The following TDRD12 variants were observed in gnomAD, a reference collection of about 807,000 sequenced individuals.
TDRD12 encodes the protein tudor domain containing 12, also known as putative ATP-dependent RNA helicase TDRD12.
In TDRD12, 158 loss-of-function variants were observed where a neutral mutation model predicts 133.5. That is an observed-to-expected ratio of 1.18 (90% CI 1.04 to 1.35). The LOEUF is 1.35. Ranked by LOEUF, TDRD12 falls within the 40% of genes most tolerant of loss-of-function variation. The pLI is 0.00. For missense variants in TDRD12, 1,443 were observed against 1,321.3 expected (o/e 1.09, Z -1.43); for synonymous variants, 460 against 477.9 (o/e 0.96, Z 0.49).
At chr19:32,768,538 A>T (rs1970361601) in intron 8 of TDRD12, among the ~76,000 whole-genome samples, 1 of 151,636 alleles carries the variant, frequency 6.6e-6, no homozygotes, top group Non-Finnish European at 1.5e-5. Context: ...CTAATTTTCA[A>T]ATTTTATTTA....
chr19:32,815,660 T>C, intron 26 of TDRD12, 40 bp downstream of exon 26: 1 of 1,504,586 alleles, frequency 6.6e-7, no homozygotes, highest in South Asian at 1.2e-5. Flanking sequence ...GAGTTGTTTT[T>C]TGGAAATACA....
intron 8 of TDRD12, among the ~76,000 whole-genome samples, chr19:32,764,606 C>G (rs975754865): frequency 2.0e-5 from 3 of 152,128 alleles, no homozygotes; most frequent in Non-Finnish European, 4.4e-5. Flanking sequence ...TTATAGAAAT[C>G]TTAATTAGGT....
At chr19:32,732,584 C>A (rs919348758) in intron 2 of TDRD12, among the ~76,000 whole-genome samples, 1 of 152,222 alleles carries the variant, frequency 6.6e-6, no homozygotes, top group East Asian at 1.9e-4. Context: ...TACTCCACGC[C>A]GTGGCCCCTC....
chr19:32,788,921 C>T (rs1047897140), intron 11 of TDRD12, among the ~76,000 whole-genome samples: 1 of 152,190 alleles, frequency 6.6e-6, no homozygotes, highest in Admixed American at 6.5e-5. Flanking sequence ...GTGGGAGGCA[C>T]AGGCTGGGTC....
chr19:32,807,041 GGTTAGA>G (rs1971571321), intron 21 of TDRD12, among the ~76,000 whole-genome samples: 1 of 151,980 alleles, frequency 6.6e-6, no homozygotes, highest in African/African-American at 2.4e-5. Context: ...ACGGCTTCTG[GGTTAGA>G]GATCGATTGC....
chr19:32,804,476 A>G (rs999105160), intron 21 of TDRD12, among the ~76,000 whole-genome samples: 98 of 150,340 alleles, frequency 6.5e-4, no homozygotes, highest in African/African-American at 2.3e-3. Flanking sequence ...GGCAGATCAC[A>G]AGGTCAAGAG....
chr19:32,761,931 C>T (rs1599870462), intron 8 of TDRD12, among the ~76,000 whole-genome samples: 1 of 152,024 alleles, frequency 6.6e-6, no homozygotes, highest in Admixed American at 6.6e-5. Flanking sequence ...AGTGATCCAC[C>T]CACCTCAAAT....
chr19:32,755,991 G>T lies in TDRD12; in HGVS notation c.583-1G>T. ...GTCATGAAATGTTTAAAATTTTACAGGTTTGTGTTAATGATGATCTTGTTG... is the reference window on the plus strand; with the variant it reads ...GTCATGAAATGTTTAAAATTTTACATGTTTGTGTTAATGATGATCTTGTTG... On this transcript the variant is annotated splice_acceptor_variant, in intron 6 of 27. Coordinates refer to ENST00000444215, the Ensembl canonical transcript of TDRD12. LOFTEE classifies it high-confidence loss of function. The T allele has an allele frequency of 6.9e-7, 1 of 1,456,542 alleles. No individual in the cohort carries two copies. The highest frequency in any genetic ancestry group is 9.0e-7 in the Non-Finnish European group (1 of 1,111,796). The allele number at this position is 1,456,542 out of a possible 1,614,324, so 90.2% of individuals were successfully genotyped here.
At chr19:32,725,679 G>A (rs1395316913) in intron 1 of TDRD12, among the ~76,000 whole-genome samples, 1 of 152,238 alleles carries the variant, frequency 6.6e-6, no homozygotes, top group East Asian at 1.9e-4. Context: ...TTTTGCTTAG[G>A]AGTGTCGTGG....
At chr19:32,722,679 AT>A (rs34068580) in intron 1 of TDRD12, among the ~76,000 whole-genome samples, 25,182 of 101,644 alleles carry the variant, frequency 0.25, 2,077 homozygotes, top group African/African-American at 0.31. Flanking sequence ...TTTAAAAAAA[AT>A]TTTTTTTTTT....
At chr19:32,763,016 G>A (rs873002) in intron 8 of TDRD12, among the ~76,000 whole-genome samples, 88,810 of 151,978 alleles carry the variant, frequency 0.58, 26,769 homozygotes, top group East Asian at 0.82. Flanking sequence ...CAATTTAAAC[G>A]TAGAAAAGAT....
chr19:32,796,354 C>T (rs981599199), intron 14 of TDRD12: 46 of 179,390 alleles, frequency 2.6e-4, no homozygotes, highest in East Asian at 1.9e-4. Context: ...TTTGGGACGC[C>T]GAGGCAGGCG....
chr19:32,720,913 G>A (rs1378530715), intron 1 of TDRD12, among the ~76,000 whole-genome samples: 3 of 147,704 alleles, frequency 2.0e-5, no homozygotes, highest in Admixed American at 6.8e-5. Context: ...GGCGTGCTCC[G>A]GGATGCACCT....
intron 9 of TDRD12, 128 bp from the exon 10 acceptor site, chr19:32,773,328 G>A: frequency 1.3e-6 from 1 of 789,252 alleles, no homozygotes; most frequent in Non-Finnish European, 2.1e-6. Flanking sequence ...CTCTATCTCT[G>A]TGTGTGCATG....
chr19:32,792,666 A>G (rs572507042), intron 13 of TDRD12, among the ~76,000 whole-genome samples: 1 of 152,208 alleles, frequency 6.6e-6, no homozygotes, highest in Non-Finnish European at 1.5e-5. Flanking sequence ...CTGAAGATTA[A>G]CATAGGAACA....
At chr19:32,722,678 A>AT (rs1968721711) in intron 1 of TDRD12, among the ~76,000 whole-genome samples, 1 of 136,712 alleles carries the variant, frequency 7.3e-6, no homozygotes, top group African/African-American at 3.0e-5. Context: ...ATTTAAAAAA[A>AT]ATTTTTTTTT....
downstream of TDRD12, among the ~76,000 whole-genome samples, chr19:32,824,746 G>A (rs1031660865): frequency 1.6e-4 from 19 of 116,340 alleles, no homozygotes; most frequent in African/African-American, 6.0e-4. Flanking sequence ...CCCACCCCCC[G>A]CCGCCCTTTC....
At chr19:32,815,616 A>C in exon 26 of TDRD12, 4 of 1,530,524 alleles carry the variant, frequency 2.6e-6, no homozygotes, top group Non-Finnish European at 3.5e-6. Flanking sequence ...CCTAAGCCAG[A>C]CCCCGTAAGT....
chr19:32,812,176 G>A (rs1385074389), intron 24 of TDRD12, among the ~76,000 whole-genome samples: 3 of 152,102 alleles, frequency 2.0e-5, no homozygotes, highest in African/African-American at 7.2e-5. Context: ...CATCCAGCTG[G>A]AGTGGGAAGG....
Sources: allele counts gnomAD v4.1 joint callset (sites outside exome capture counted in the v4.1 genomes callset), GRCh38; gene constraint gnomAD v4.1.1; transcripts MANE v1.5; gene names NCBI Gene and HGNC (gene_info 2026-07-23, HGNC 2026-07-21).